Variants in ADAM19 observed in about 807,000 individuals in gnomAD.
ADAM19 encodes disintegrin and metalloproteinase domain-containing protein 19.
ADAM19 carries 65 observed loss-of-function variants against 114.7 expected under a neutral mutation model. That is an observed-to-expected ratio of 0.57 (90% CI 0.46 to 0.70). The LOEUF (loss-of-function observed/expected upper bound fraction) is 0.70, where lower values mean the gene tolerates loss of function less well. ADAM19 is among the 30% of genes least tolerant of loss of function. The pLI is 0.00. For synonymous variants in ADAM19, 466 were observed against 460.5 expected, an observed-to-expected ratio of 1.01 and a Z score of -0.15; for missense variants, 1,063 against 1,204.7, an observed-to-expected ratio of 0.88 and a Z score of 1.74.
At chr5:157,518,998 A>G (rs963592787) in intron 6 of ADAM19, 110 bp from the exon 7 acceptor site, 2 of 899,580 alleles carry the variant, frequency 2.2e-6, no homozygotes, top group African/African-American at 1.7e-5. Context: ...CTCCGTAATG[A>G]TTTTGTCATT....
intron 12 of ADAM19, among the ~76,000 whole-genome samples, chr5:157,502,223 C>T (rs1049370652): frequency 6.6e-6 from 1 of 152,110 alleles, no homozygotes; most frequent in Non-Finnish European, 1.5e-5. Context: ...CTGCAGAAAC[C>T]ACATGCATTT....
intron 11 of ADAM19, 64 bp downstream of exon 11, chr5:157,505,605 C>G (rs1755716902): frequency 6.5e-7 from 1 of 1,544,924 alleles, no homozygotes; most frequent in South Asian, 1.2e-5. Flanking sequence ...GGAGGAACCC[C>G]TGGGTCACAC....
At chr5:157,488,604 A>AC in intron 20 of ADAM19, 115 bp from the exon 21 acceptor site, 2 of 788,454 alleles carry the variant, frequency 2.5e-6, no homozygotes, top group Non-Finnish European at 3.9e-6. Flanking sequence ...AATCTATTAA[A>AC]CCCCTGAGGA....
chr5:157,565,824 A>T (rs1299301207), intron 2 of ADAM19: 2 of 147,468 alleles, frequency 1.4e-5, no homozygotes, highest in African/African-American at 5.0e-5. Flanking sequence ...ATAATGAATA[A>T]TGGGCCAGGC....
Position 157,509,406 on chromosome 5 carries a change from T to G in ADAM19, c.800A>C (p.Asn267Thr), listed in dbSNP as rs1362711404. The G allele has an allele frequency of 1.9e-6, 3 of 1,613,326 alleles. No homozygotes were observed. The African/African-American group carries it at 4.0e-5, about 22-fold the overall frequency. Reference protein sequence around the residue: ...LVGLEVWTHGNMCEVSENPYS... With the variant: ...LVGLEVWTHGTMCEVSENPYS... ...TGGATTCTCTGAAACTTCACACATGTTCCCGTGGGTCCACACTTCCAAGCC... is the reference window on the plus strand; with the variant it reads ...TGGATTCTCTGAAACTTCACACATGGTCCCGTGGGTCCACACTTCCAAGCC... The change falls in exon 9 of 23, where the codon AAC becomes ACC. Residue 267 changes from asparagine (N) to threonine (T), a missense_variant. Asn to Thr is a moderately conservative substitution (Grantham distance 65). Coordinates refer to ENST00000257527, the MANE Select transcript of ADAM19 (RefSeq NM_033274.5).
At chr5:157,521,286 T>C (rs7713708) in intron 5 of ADAM19, among the ~76,000 whole-genome samples, 88,053 of 152,060 alleles carry the variant, frequency 0.58, 26,853 homozygotes, top group African/African-American at 0.76. Flanking sequence ...AATCAAGGCT[T>C]AGTGGGAGGA....
intron 20 of ADAM19, 61 bp downstream of exon 20, chr5:157,489,041 T>C: frequency 1.1e-6 from 1 of 951,594 alleles, no homozygotes. Context: ...AAAAGAAAAA[T>C]ACAGCATGGC....
Position 157,513,171 on chromosome 5 carries a change from A to C in ADAM19, c.738+263T>G, listed in dbSNP as rs193084724. Among the ~76,000 whole-genome samples the C allele has an allele frequency of 3.5e-4, 53 of 152,346 alleles. No homozygotes were observed. The East Asian group carries it at 3.7e-3, about 11-fold the overall frequency. ...AGGAAAATAAAAATAACAAAAAAAA[A>C]CCACACATTGATTTACGACAGCCTT... On this transcript the variant is annotated intron_variant, in intron 8 of 22. Coordinates refer to ENST00000257527, the MANE Select transcript of ADAM19 (RefSeq NM_033274.5).
intron 9 of ADAM19, among the ~76,000 whole-genome samples, chr5:157,508,173 T>C (rs1755806225): frequency 6.6e-6 from 1 of 152,258 alleles, no homozygotes; most frequent in Admixed American, 6.5e-5. Flanking sequence ...AAAGTTCTAA[T>C]AGCCAAAGAC....
At chr5:157,521,464 T>A (rs1207038088) in intron 5 of ADAM19, among the ~76,000 whole-genome samples, 1 of 152,140 alleles carries the variant, frequency 6.6e-6, no homozygotes, top group East Asian at 1.9e-4. Flanking sequence ...AGCTTCCACC[T>A]CCACCACAAC....
At chr5:157,553,591 G>T (rs1019767076) in intron 3 of ADAM19, among the ~76,000 whole-genome samples, 3 of 152,112 alleles carry the variant, frequency 2.0e-5, no homozygotes, top group African/African-American at 4.8e-5. Flanking sequence ...ATTTAAAAGC[G>T]TTTTAATTGT....
chr5:157,522,453 C>A (rs936168684), intron 5 of ADAM19, among the ~76,000 whole-genome samples: 1 of 152,128 alleles, frequency 6.6e-6, no homozygotes, highest in African/African-American at 2.4e-5. Context: ...GTTCCAAGTC[C>A]CACAACCTTA....
At chr5:157,533,656 T>C (rs917839656) in intron 4 of ADAM19, among the ~76,000 whole-genome samples, 4 of 151,980 alleles carry the variant, frequency 2.6e-5, no homozygotes, top group African/African-American at 9.7e-5. Flanking sequence ...AGCTACAGTT[T>C]CAAAACGCTG....
Position 157,479,362 on chromosome 5 carries a change from G to A in ADAM19, c.*1587C>T, listed in dbSNP as rs1754681504. ...AGAAGCTCAGCCTCAGCCTTGCAGT[G>A]AGGTTTTCAAGAGCAAACAATTGCT... On this transcript the variant is annotated 3_prime_UTR_variant, in exon 23 of 23. Transcript: ENST00000257527. 1.0e-6 allele frequency: 1 copy of A among 985,938 alleles called. No homozygotes were observed. The highest frequency in any genetic ancestry group is 1.2e-6 in the Non-Finnish European group (1 of 830,114). 61.1% of individuals were successfully genotyped at this position (985,938 alleles called of 1,614,324 possible).
At position 157,481,840 on chromosome 5, in the gene ADAM19, G is replaced by A. The variant is rs773760331; in HGVS notation, c.2654C>T (p.Pro885Leu). 2 of 1,583,746 alleles carry A rather than the reference G, an allele frequency of 1.3e-6. No homozygotes were observed. The highest frequency in any genetic ancestry group is 1.7e-6 in the Non-Finnish European group (2 of 1,164,316). ...RPGGASPLRP[P>L]GAGPQQSRPL... ...CCGGGACTGCTGAGGGCCAGCACCA[G>A]GGGGCCGCAGTGGGGATGCACCTCC... Residue 885 changes from proline to leucine, a missense_variant, in exon 22 of 23, where the codon CCT (proline) becomes CTT (leucine). Coordinates refer to ENST00000257527, the MANE Select transcript of ADAM19 (RefSeq NM_033274.5).
intron 4 of ADAM19, among the ~76,000 whole-genome samples, chr5:157,534,518 C>G (rs1238477114): frequency 6.6e-6 from 1 of 151,850 alleles, no homozygotes; most frequent in African/African-American, 2.4e-5. Flanking sequence ...TCTAACCAGG[C>G]ATGGCGGCTC....
At chr5:157,500,563 C>A (rs1399771226) in intron 12 of ADAM19, among the ~76,000 whole-genome samples, 1 of 152,152 alleles carries the variant, frequency 6.6e-6, no homozygotes. Context: ...CTGCCCCCAA[C>A]CCTCCTAGGC....
In ADAM19 at chr5:157,479,089, G is replaced by T; in HGVS notation, c.*1860C>A. ...AATAAAAGGTTGGGCCACAGGAAAG[G>T]TGGGGAATGGATCTCCACAGCAAGG... On this transcript the variant is annotated 3_prime_UTR_variant, in exon 23 of 23. Transcript: ENST00000257527. 1 of 985,866 alleles carries T rather than the reference G, an allele frequency of 1.0e-6. No homozygotes were observed. The highest frequency in any genetic ancestry group is 1.2e-6 in the Non-Finnish European group (1 of 829,956). 61.1% of individuals were successfully genotyped at this position (985,866 alleles called of 1,614,324 possible).
chr5:157,510,328 G>T (rs1755877479), intron 8 of ADAM19, among the ~76,000 whole-genome samples: 1 of 152,158 alleles, frequency 6.6e-6, no homozygotes, highest in Admixed American at 6.5e-5. Context: ...TACAAAATTA[G>T]CTGGGCGTGG....
Sources: allele counts gnomAD v4.1 joint callset (sites outside exome capture counted in the v4.1 genomes callset), GRCh38; gene constraint gnomAD v4.1.1; transcripts MANE v1.5; gene names NCBI Gene and HGNC (gene_info 2026-07-23, HGNC 2026-07-21).